The following SAMD5 variants were observed in gnomAD, a reference collection of about 807,000 sequenced individuals.
The protein encoded by SAMD5 is sterile alpha motif domain containing 5.
Under a neutral mutation model 11.3 loss-of-function variants are expected in SAMD5, and 13 were observed. The observed-to-expected ratio is 1.15, with a 90% confidence interval of 0.75 to 1.83. SAMD5 has a LOEUF of 1.83. Ranked by LOEUF, SAMD5 falls within the 40% of genes most tolerant of loss-of-function variation. The pLI, the probability that SAMD5 is intolerant of heterozygous loss-of-function variation, is 0.00. For synonymous variants in SAMD5, 129 were observed against 111.3 expected, an observed-to-expected ratio of 1.16 and a Z score of -1.00; for missense variants, 255 against 239.1, an observed-to-expected ratio of 1.07 and a Z score of -0.44.
Position 147,617,156 on chromosome 6 carries a change from G to A in SAMD5, c.162+107769G>A, listed in dbSNP as rs571167881. ...TCCTGGATGGTCTTTCTTTAGGTGAGTCTTATTCATACCTGATATGAAAAG... is the reference window on the plus strand; with the variant it reads ...TCCTGGATGGTCTTTCTTTAGGTGAATCTTATTCATACCTGATATGAAAAG... On this transcript the variant is annotated intron_variant, in intron 1 of 1. Coordinates refer to the SAMD5 transcript ENST00000566741. Among the ~76,000 whole-genome samples the A allele has an allele frequency of 9.2e-5, 14 of 152,230 alleles. No homozygotes were observed. In the East Asian group the frequency reaches 2.3e-3, roughly 25 times the overall value.
intron 1 of SAMD5, among the ~76,000 whole-genome samples, chr6:147,697,531 G>T (rs544216629): frequency 1.3e-5 from 2 of 152,034 alleles, no homozygotes; most frequent in African/African-American, 2.4e-5. Flanking sequence ...ATGTTTCAGC[G>T]TTTTGTTCAG....
At chr6:147,742,563 T>A in the SAMD5 span, among the ~76,000 whole-genome samples, 7 of 152,320 alleles carry the variant, frequency 4.6e-5, no homozygotes, top group African/African-American at 1.4e-4. Flanking sequence ...TAGAATGGAC[T>A]TTGACTTTTC....
intron 1 of SAMD5, among the ~76,000 whole-genome samples, chr6:147,533,462 CAAA>C (rs57455955): frequency 8.9e-5 from 8 of 89,478 alleles, no homozygotes; most frequent in Non-Finnish European, 9.8e-5. Context: ...AATTCCATCT[CAAA>C]AAAAAAAAAA....
At chr6:147,782,992 AAAAT>A in the SAMD5 span, among the ~76,000 whole-genome samples, 1 of 152,224 alleles carries the variant, frequency 6.6e-6, no homozygotes, top group Non-Finnish European at 1.5e-5. Context: ...ATCATATACT[AAAAT>A]AAATCAACAA....
chr6:147,648,355 T>C (rs1790434747), intron 1 of SAMD5, among the ~76,000 whole-genome samples: 1 of 152,168 alleles, frequency 6.6e-6, no homozygotes. Flanking sequence ...CTCATTATCA[T>C]GAGAACAGCA....
chr6:147,733,899 T>A (rs963779293), intron 1 of SAMD5: 1 of 178,976 alleles, frequency 5.6e-6, no homozygotes, highest in Non-Finnish European at 1.1e-5. Flanking sequence ...GTGTTAACTA[T>A]GAGTTGAGTC....
chr6:147,676,577 G>A (rs915551117), intron 1 of SAMD5, among the ~76,000 whole-genome samples: 1 of 152,104 alleles, frequency 6.6e-6, no homozygotes, highest in African/African-American at 2.4e-5. Context: ...TTCAACGAGG[G>A]TAGGGATTTT....
the SAMD5 span, among the ~76,000 whole-genome samples, chr6:147,819,779 G>A: frequency 6.6e-6 from 1 of 152,330 alleles, no homozygotes; most frequent in South Asian, 2.1e-4. Flanking sequence ...GCAGGGATTG[G>A]GGCTCAAGGA....
intron 1 of SAMD5, among the ~76,000 whole-genome samples, chr6:147,708,389 T>G (rs1791353408): frequency 6.6e-6 from 1 of 152,328 alleles, no homozygotes; most frequent in African/African-American, 2.4e-5. Flanking sequence ...CAGCCTCTCC[T>G]TTCACTATGA....
chr6:147,566,826 G>GC lies in SAMD5; in HGVS notation c.*2370_*2371insC, dbSNP rs1228653584. The GC allele has an allele frequency of 3.0e-5, 29 of 979,362 alleles. No homozygotes were observed. The highest frequency in any genetic ancestry group is 3.5e-5 in the Non-Finnish European group (29 of 824,740). 60.7% of individuals were successfully genotyped at this position (979,362 alleles called of 1,614,324 possible). A position where few individuals can be genotyped will look rare whatever the true frequency, so the allele number is the denominator to read the frequency against. ...TTCCTTTGCATTAAAATCAAGATGA[G>GC]GTAAGAGGTAGAATATAAGAGAAAG... On this transcript the variant is annotated 3_prime_UTR_variant, in exon 2 of 2. Coordinates refer to ENST00000367474, the MANE Select transcript of SAMD5 (RefSeq NM_001030060.3).
At chr6:147,760,023 A>G in the SAMD5 span, among the ~76,000 whole-genome samples, 1 of 152,190 alleles carries the variant, frequency 6.6e-6, no homozygotes, top group Non-Finnish European at 1.5e-5. Flanking sequence ...GACTGTGTCT[A>G]ATCTTTCTGC....
At position 147,727,762 on chromosome 6, in the gene SAMD5, G is replaced by A. The variant is rs184833802; in HGVS notation, c.163-9555G>A. Among the ~76,000 whole-genome samples, 70 of 151,552 alleles carry A rather than the reference G, an allele frequency of 4.6e-4. 2 individuals carry two copies. The East Asian group carries it at 0.012, about 25-fold the overall frequency. ...TCTGTTGGTTACTTCAGCTAATGGC[G>A]GGAGTCATGTATGTTGGGTGCCTAA... On this transcript the variant is annotated intron_variant, in intron 1 of 1. Transcript: ENST00000566741.
the SAMD5 span, among the ~76,000 whole-genome samples, chr6:147,946,692 G>A: frequency 2.0e-5 from 3 of 152,236 alleles, no homozygotes; most frequent in African/African-American, 4.8e-5. Flanking sequence ...CAGTTTCTGC[G>A]CTATTTTTTC....
At chr6:147,715,522 C>T (rs543382099) in intron 1 of SAMD5, among the ~76,000 whole-genome samples, 2 of 141,200 alleles carry the variant, frequency 1.4e-5, no homozygotes, top group East Asian at 1.9e-4. Context: ...GTTCAGGGAG[C>T]TCCTAGGTCT....
chr6:147,569,999 T>C lies in SAMD5; in HGVS notation c.*5543T>C. On this transcript the variant is annotated 3_prime_UTR_variant, in exon 2 of 2. Transcript: ENST00000367474. The stretch of plus-strand genomic sequence containing the variant: ...TTGCAAACATATGTCCGCTCTTCAA[T>C]AAATGTTACGGCTTTCACAGCGGTT... 4.1e-6 allele frequency: 4 copies of C among 984,790 alleles called. No individual in the cohort carries two copies. Among genetic ancestry groups the C allele is most frequent in the Non-Finnish European group, 4.8e-6 (4 of 829,264 alleles). 61.0% of individuals were successfully genotyped at this position (984,790 alleles called of 1,614,324 possible).
In SAMD5 at chr6:147,579,489, G is replaced by A. The variant is rs537942506; in HGVS notation, c.162+70102G>A. Among the ~76,000 whole-genome samples, 9 of 132,662 alleles carry A rather than the reference G, an allele frequency of 6.8e-5. No homozygotes were observed. The South Asian group carries it at 9.9e-4, about 15-fold the overall frequency. The allele number at this position is 132,662 out of a possible 152,430, so 87.0% of individuals were successfully genotyped here. ...TTTTTTTTTTTTTTTTTTTTGAGAC[G>A]GAGTCTCACTCTGCAGTGCAGGCTA... On this transcript the variant is annotated intron_variant, in intron 1 of 1. Transcript: ENST00000566741.
At chr6:147,557,131 C>T (rs1788869819) in intron 1 of SAMD5, among the ~76,000 whole-genome samples, 1 of 152,076 alleles carries the variant, frequency 6.6e-6, no homozygotes, top group Non-Finnish European at 1.5e-5. Context: ...AAGTTTGCAT[C>T]ATTTATTGAA....
chr6:147,822,425 TAAAA>T, the SAMD5 span, among the ~76,000 whole-genome samples: 13 of 152,188 alleles, frequency 8.5e-5, no homozygotes, highest in Admixed American at 1.3e-4. Flanking sequence ...TAATATTTAT[TAAAA>T]AATACCATAT....
chr6:147,727,442 G>A (rs1045326870), intron 1 of SAMD5, among the ~76,000 whole-genome samples: 1 of 152,292 alleles, frequency 6.6e-6, no homozygotes, highest in Admixed American at 6.5e-5. Flanking sequence ...TAATTGTCTG[G>A]TAGTGTTTTC....
Sources: gnomAD v4.1 joint callset for allele counts (sites outside exome capture counted in the v4.1 genomes callset) on GRCh38, gnomAD v4.1.1 for gene constraint, MANE v1.5 for transcripts, NCBI Gene and HGNC (gene_info 2026-07-23, HGNC 2026-07-21) for gene names.